Variants in TTC28 observed in about 807,000 individuals in gnomAD.
TTC28 encodes tetratricopeptide repeat protein 28.
Under a neutral mutation model 198.0 loss-of-function variants are expected in TTC28, and 61 were observed. That is an observed-to-expected ratio of 0.31 (90% CI 0.25 to 0.38). TTC28 has a LOEUF of 0.38. TTC28 is among the 10% of genes least tolerant of loss of function. TTC28 has a pLI of 1.00. For missense variants in TTC28, 2,678 were observed against 3,164.0 expected (o/e 0.85, Z 3.69); for synonymous variants, 1,171 against 1,297.8 (o/e 0.90, Z 2.10).
intron 13 of TTC28, among the ~76,000 whole-genome samples, chr22:28,015,139 T>C (rs1049368992): frequency 6.6e-6 from 1 of 152,234 alleles, no homozygotes; most frequent in African/African-American, 2.4e-5. Context: ...TTGGAAAATT[T>C]TCCCCAAGCA....
intron 2 of TTC28, among the ~76,000 whole-genome samples, chr22:28,578,815 G>A (rs75002414): frequency 5.9e-4 from 89 of 152,136 alleles, no homozygotes; most frequent in African/African-American, 2.1e-3. Flanking sequence ...AAAGCAACAC[G>A]GGGCAGAACT....
At chr22:28,659,001 A>G (rs1262459799) in intron 1 of TTC28, among the ~76,000 whole-genome samples, 1 of 152,150 alleles carries the variant, frequency 6.6e-6, no homozygotes, top group Non-Finnish European at 1.5e-5. Flanking sequence ...TGTCTCAAAA[A>G]AAGAAAAAAA....
At chr22:28,360,015 G>T (rs1254633557) in intron 2 of TTC28, among the ~76,000 whole-genome samples, 1 of 151,938 alleles carries the variant, frequency 6.6e-6, no homozygotes, top group Non-Finnish European at 1.5e-5. Context: ...AGGCCCAGAA[G>T]TAATTTATCC....
At chr22:28,629,866 A>G in intron 1 of TTC28, 36 bp from the exon 2 acceptor site, 1 of 1,517,486 alleles carries the variant, frequency 6.6e-7, no homozygotes. Context: ...AAAAGTTCAG[A>G]TAATCCAGAT....
intron 13 of TTC28, among the ~76,000 whole-genome samples, chr22:28,029,823 C>T (rs1023425917): frequency 3.3e-5 from 5 of 152,176 alleles, no homozygotes; most frequent in Non-Finnish European, 5.9e-5. Context: ...CTGACCTCCC[C>T]GAATCTCAGG....
chr22:28,517,263 T>C lies in TTC28; in HGVS notation c.381+112289A>G, dbSNP rs536102803. Among the ~76,000 whole-genome samples the C allele has an allele frequency of 3.9e-5, 6 of 152,280 alleles. No homozygotes were observed. In the East Asian group the frequency reaches 1.2e-3, roughly 29 times the overall value. On this transcript the variant is annotated intron_variant, in intron 2 of 22. Transcript: ENST00000397906. Reference sequence around the variant, plus strand: ...ATGATGGTTTCCAGCTTCATCCATGTCCCTGCAAAGTTAAAGCTAGAGATA... The same window carrying C: ...ATGATGGTTTCCAGCTTCATCCATGCCCCTGCAAAGTTAAAGCTAGAGATA...
intron 5 of TTC28, among the ~76,000 whole-genome samples, chr22:28,289,486 A>G (rs1032714060): frequency 5.9e-5 from 9 of 152,194 alleles, no homozygotes; most frequent in African/African-American, 1.9e-4. Context: ...GAATAAAAAA[A>G]TCCTGTGGAG....
At chr22:28,509,496 G>A (rs999653360) in intron 2 of TTC28, among the ~76,000 whole-genome samples, 3 of 152,166 alleles carry the variant, frequency 2.0e-5, no homozygotes, top group African/African-American at 7.2e-5. Context: ...AGAACAAAGA[G>A]ACAATGTACC....
At chr22:28,662,193 G>A (rs1479067344) in intron 1 of TTC28, among the ~76,000 whole-genome samples, 2 of 152,190 alleles carry the variant, frequency 1.3e-5, no homozygotes, top group Non-Finnish European at 1.5e-5. Context: ...CCAGAATGGT[G>A]TGCCAACATA....
intron 13 of TTC28, among the ~76,000 whole-genome samples, chr22:28,028,287 A>G (rs1226528115): frequency 6.6e-6 from 1 of 152,210 alleles, no homozygotes; most frequent in Non-Finnish European, 1.5e-5. Flanking sequence ...GGCTGGGCAC[A>G]ATACTCAGCC....
intron 2 of TTC28, among the ~76,000 whole-genome samples, chr22:28,344,998 C>T (rs1208074050): frequency 3.9e-5 from 6 of 152,144 alleles, no homozygotes; most frequent in South Asian, 2.1e-4. Flanking sequence ...GCTTGCCTCA[C>T]GTCACATCAC....
At chr22:28,249,646 A>C (rs527858057) in intron 5 of TTC28, among the ~76,000 whole-genome samples, 2 of 152,276 alleles carry the variant, frequency 1.3e-5, no homozygotes, top group African/African-American at 4.8e-5. Flanking sequence ...CAGGACCTGT[A>C]ATGCAACTGG....
intron 2 of TTC28, among the ~76,000 whole-genome samples, chr22:28,357,545 A>T (rs1339896214): frequency 6.6e-6 from 1 of 152,000 alleles, no homozygotes; most frequent in Non-Finnish European, 1.5e-5. Context: ...TCCTGAGCTG[A>T]AGCGATCCTC....
chr22:28,486,441 T>C (rs2146333833), intron 2 of TTC28, among the ~76,000 whole-genome samples: 1 of 152,336 alleles, frequency 6.6e-6, no homozygotes, highest in South Asian at 2.1e-4. Flanking sequence ...AATAACTCTG[T>C]AATTCTTCAT....
At chr22:28,425,400 C>T (rs1210319563) in intron 2 of TTC28, among the ~76,000 whole-genome samples, 1 of 152,176 alleles carries the variant, frequency 6.6e-6, no homozygotes, top group Non-Finnish European at 1.5e-5. Flanking sequence ...CTATGTTGGG[C>T]ATATGAGAGA....
At chr22:27,989,656 C>G (rs1005779194) in intron 21 of TTC28, among the ~76,000 whole-genome samples, 1 of 152,020 alleles carries the variant, frequency 6.6e-6, no homozygotes, top group Non-Finnish European at 1.5e-5. Context: ...CTGTGTTGCC[C>G]AGGCTGGACT....
chr22:28,360,394 A>G lies in TTC28; in HGVS notation c.382-53751T>C, dbSNP rs117532770. On this transcript the variant is annotated intron_variant, in intron 2 of 22. Coordinates refer to ENST00000397906, the MANE Select transcript of TTC28 (RefSeq NM_001145418.2). ...ACCTACTTCCTTGATACCCTGCAAT[A>G]AAGCTATCTTGAAACATTAATTAGA... 3.7e-3 allele frequency among the ~76,000 whole-genome samples: 563 copies of G among 152,354 alleles called. 1 individual carries two copies. Among genetic ancestry groups the G allele is most frequent in the Middle Eastern group, 0.01 (3 of 294 alleles).
chr22:28,537,925 G>GT (rs2049330942), intron 2 of TTC28, among the ~76,000 whole-genome samples: 1 of 151,910 alleles, frequency 6.6e-6, no homozygotes, highest in African/African-American at 2.4e-5. Context: ...GAGCTCAGGA[G>GT]TTTGAGACCA....
chr22:28,388,305 T>A (rs946323503), intron 2 of TTC28, among the ~76,000 whole-genome samples: 6 of 152,222 alleles, frequency 3.9e-5, no homozygotes, highest in Non-Finnish European at 8.8e-5. Context: ...TTCTTTTGGC[T>A]TAGGAATGAC....
Sources: gnomAD v4.1 joint callset for allele counts (sites outside exome capture counted in the v4.1 genomes callset) on GRCh38, gnomAD v4.1.1 for gene constraint, MANE v1.5 for transcripts, NCBI Gene and HGNC (gene_info 2026-07-23, HGNC 2026-07-21) for gene names.